Variants in ZBED6 observed in about 807,000 individuals in gnomAD.
ZBED6 encodes the protein zinc finger BED domain-containing protein 6.
Under a neutral mutation model 58.4 loss-of-function variants are expected in ZBED6, and 40 were observed. The ratio of observed to expected loss-of-function variants is 0.68; its 90% confidence interval spans 0.53 to 0.89. ZBED6 has a LOEUF of 0.89. ZBED6 is among the 40% of genes least tolerant of loss of function. The probability of loss-of-function intolerance (pLI) is 0.00; values close to 1 mark genes in which losing one functional copy is unlikely to be tolerated. For synonymous variants in ZBED6, 439 were observed against 350.6 expected (o/e 1.25, Z -2.82); for missense variants, 1,057 against 1,003.9 (o/e 1.05, Z -0.71).
chr1:203,843,830 AT>A (rs939578290), intron 11 of ZBED6, among the ~76,000 whole-genome samples: 1 of 148,234 alleles, frequency 6.7e-6, no homozygotes, highest in Non-Finnish European at 1.5e-5. Context: ...TTGTTCTCTT[AT>A]TTTTTTTTCT....
intron 2 of ZBED6, 98 bp from the exon 3 acceptor site, chr1:203,818,472 C>A: frequency 3.3e-6 from 5 of 1,516,952 alleles, no homozygotes; most frequent in Middle Eastern, 2.2e-4. Flanking sequence ...CTTTCTTACT[C>A]ATTTGTGCTT....
chr1:203,808,225 T>G (rs1320136633), intron 1 of ZBED6, among the ~76,000 whole-genome samples: 1 of 150,078 alleles, frequency 6.7e-6, no homozygotes, highest in Admixed American at 6.9e-5. Flanking sequence ...AATTCTAAAC[T>G]TAAAGGTCAT....
rs200475219 is a variant in ZBED6 at position 203,839,183 on chromosome 1, CAA to C, written c.*3672+1120_*3672+1121del. Among the ~76,000 whole-genome samples, 392 of 152,184 alleles carry C rather than the reference CAA, an allele frequency of 2.6e-3. 5 individuals carry two copies. Among genetic ancestry groups the C allele is most frequent in the African/African-American group, 8.6e-3 (356 of 41,530 alleles). Reference sequence around the variant, plus strand: ...GTTGATTTGGAGACGTGGACTAAATCAAGAGATAGCTGGGAGTTAGATTTTTG... The same window carrying C: ...GTTGATTTGGAGACGTGGACTAAATCGAGATAGCTGGGAGTTAGATTTTTG... On this transcript the variant is annotated intron_variant, in intron 10 of 16. Coordinates refer to ENST00000550078, the Ensembl canonical transcript of ZBED6.
At chr1:203,851,959 ACT>A (rs1441257643) in intron 16 of ZBED6, among the ~76,000 whole-genome samples, 180 bp from the exon 17 acceptor site, 26 of 114,674 alleles carry the variant, frequency 2.3e-4, no homozygotes, top group African/African-American at 7.9e-4. Flanking sequence ...ACAAAGGGAG[ACT>A]CTGCCTCAAA....
intron 3 of ZBED6, among the ~76,000 whole-genome samples, chr1:203,823,514 TACAA>T (rs1238543669): frequency 6.6e-6 from 1 of 152,214 alleles, no homozygotes; most frequent in East Asian, 1.9e-4. Context: ...ATATTGTTTG[TACAA>T]ACAGTCTAGG....
exon 6 of ZBED6, chr1:203,829,870 G>T (rs748828658): frequency 1.9e-6 from 3 of 1,614,030 alleles, no homozygotes; most frequent in Non-Finnish European, 2.5e-6. Flanking sequence ...ACTTCTGTCC[G>T]GAAACCTGCA....
rs769636674 is a variant in ZBED6, at chr1:203,850,024, A to G, written c.*4636A>G. 2.5e-6 allele frequency: 4 copies of G among 1,613,728 alleles called. No homozygotes were observed. The highest frequency in any genetic ancestry group is 2.5e-6 in the Non-Finnish European group (3 of 1,179,980). ...GCACAGACCTTGGAAAAAAGGGGTA[A>G]AGGCAAGTATTTCTATACTGTGTAT... On this transcript the variant is annotated splice_region_variant and 3_prime_UTR_variant, in exon 14 of 17. Coordinates refer to ENST00000550078, the Ensembl canonical transcript of ZBED6.
chr1:203,799,988 T>TA lies in ZBED6; in HGVS notation c.2467dup (p.Thr823AsnfsTer5). ...CTTCAGAAGCTTCTTGTCCCTCAGT[T>TA]ACAGTGGGAGCTGATTCATTTACCT... is the stretch of plus-strand genomic sequence containing the variant. On this transcript the variant is annotated frameshift_variant, in exon 1 of 17. Transcript: ENST00000550078. LOFTEE classifies it high-confidence loss of function. The TA allele has an allele frequency of 1.3e-6, 2 of 1,536,120 alleles. No homozygotes were observed. Among genetic ancestry groups the TA allele is most frequent in the Non-Finnish European group, 8.7e-7 (1 of 1,146,890 alleles).
chr1:203,834,348 T>C (rs1164549976), intron 9 of ZBED6, among the ~76,000 whole-genome samples: 2 of 152,196 alleles, frequency 1.3e-5, no homozygotes, highest in Non-Finnish European at 2.9e-5. Context: ...CTCAGCTCAC[T>C]GCAACCTCCA....
chr1:203,821,012 G>A (rs1678471454), intron 3 of ZBED6, among the ~76,000 whole-genome samples: 1 of 152,096 alleles, frequency 6.6e-6, no homozygotes, highest in South Asian at 2.1e-4. Flanking sequence ...GCAAACTTGT[G>A]GTGATACGTT....
intron 3 of ZBED6, 90 bp from the exon 4 acceptor site, chr1:203,828,209 C>A: frequency 1.3e-6 from 2 of 1,498,030 alleles, no homozygotes; most frequent in Non-Finnish European, 1.8e-6. Flanking sequence ...ATTTTTGAAC[C>A]CTGTATGAAC....
At chr1:203,843,371 T>C (rs1283312894) in intron 11 of ZBED6, among the ~76,000 whole-genome samples, 1 of 152,244 alleles carries the variant, frequency 6.6e-6, no homozygotes, top group East Asian at 1.9e-4. Context: ...CATTTCTTTT[T>C]GTTTTCTCCT....
chr1:203,796,089 C>T (rs1668378180), exon 1 of ZBED6: 1 of 180,728 alleles, frequency 5.5e-6, no homozygotes, highest in Admixed American at 6.3e-5. Flanking sequence ...ACCTTCCTCC[C>T]CTCCCCCACA....
chr1:203,798,884 T>A (rs1211061477), exon 1 of ZBED6: 1 of 1,536,166 alleles, frequency 6.5e-7, no homozygotes, highest in Admixed American at 2.0e-5. Context: ...ACTTTTTCAC[T>A]AAGGCTGTAC....
chr1:203,798,812 C>T, exon 1 of ZBED6: 2 of 1,536,100 alleles, frequency 1.3e-6, no homozygotes, highest in Non-Finnish European at 1.7e-6. Context: ...ATTTCTCAAC[C>T]CCAGCCTTTC....
At chr1:203,829,533 C>A in exon 5 of ZBED6, 1 of 1,613,964 alleles carries the variant, frequency 6.2e-7, no homozygotes, top group Non-Finnish European at 8.5e-7. Flanking sequence ...AATTGTCTGT[C>A]CAGTCCAATC....
At chr1:203,822,380 A>G (rs1679070450) in intron 3 of ZBED6, among the ~76,000 whole-genome samples, 1 of 151,850 alleles carries the variant, frequency 6.6e-6, no homozygotes, top group East Asian at 2.0e-4. Context: ...TTGCTTTACC[A>G]TAGGGACCTC....
At chr1:203,798,188 A>G (rs952457694) in exon 1 of ZBED6, 1 of 1,536,164 alleles carries the variant, frequency 6.5e-7, no homozygotes, top group Non-Finnish European at 8.7e-7. Flanking sequence ...CTACTGATCC[A>G]TTAGATGATA....
rs977760709 is a variant in ZBED6, at chr1:203,796,590, A to G, written c.-933A>G. On this transcript the variant is annotated 5_prime_UTR_variant, in exon 1 of 17. It removes an upstream start codon present in the reference 5' UTR. Transcript: ENST00000550078. Reference sequence around the variant, plus strand: ...AGAGGCTGTGGAACTAGAGATAGCGATGCTTTTTAGGGTAAATGTATGTAG... The same window carrying G: ...AGAGGCTGTGGAACTAGAGATAGCGGTGCTTTTTAGGGTAAATGTATGTAG... 1 of 397,354 alleles carries G rather than the reference A, an allele frequency of 2.5e-6. No homozygotes were observed. Among genetic ancestry groups the G allele is most frequent in the African/African-American group, 2.1e-5 (1 of 48,718 alleles). 24.6% of individuals were successfully genotyped at this position (397,354 alleles called of 1,614,324 possible).
Sources: gnomAD v4.1 joint callset for allele counts (sites outside exome capture counted in the v4.1 genomes callset) on GRCh38, gnomAD v4.1.1 for gene constraint, MANE v1.5 for transcripts, NCBI Gene and HGNC (gene_info 2026-07-23, HGNC 2026-07-21) for gene names.